SLC2A12: variants seen among roughly 807,000 people sequenced by gnomAD.
The protein encoded by SLC2A12 is solute carrier family 2, facilitated glucose transporter member 12.
In SLC2A12, 23 loss-of-function variants were observed where a neutral mutation model predicts 41.8. The observed-to-expected ratio is 0.55, with a 90% CI of 0.40 to 0.78. The LOEUF is 0.78. Among genes scored for constraint, SLC2A12 ranks in the 30% least tolerant of loss-of-function variants. SLC2A12 has a pLI of 0.00. For synonymous variants in SLC2A12, 295 were observed against 285.9 expected (o/e 1.03, Z -0.32); for missense variants, 654 against 745.6 (o/e 0.88, Z 1.43).
intron 2 of SLC2A12, among the ~76,000 whole-genome samples, chr6:134,018,480 C>T (rs1028378232): frequency 2.6e-5 from 4 of 152,126 alleles, no homozygotes; most frequent in Non-Finnish European, 4.4e-5. Flanking sequence ...TTGCAGCTCT[C>T]CTCACCCTTC....
intron 1 of SLC2A12, among the ~76,000 whole-genome samples, chr6:134,042,702 C>T (rs550933989): frequency 1.8e-4 from 27 of 152,164 alleles, no homozygotes; most frequent in Middle Eastern, 3.4e-3. Flanking sequence ...AGGTGGCTCA[C>T]ACCTGTAATC....
intron 1 of SLC2A12, among the ~76,000 whole-genome samples, chr6:134,033,659 A>G (rs979350975): frequency 1.3e-5 from 2 of 152,170 alleles, no homozygotes; most frequent in African/African-American, 4.8e-5. Context: ...TGCGGAGTTA[A>G]GGATGCAGGG....
At chr6:134,025,638 C>G (rs1777103517) in intron 2 of SLC2A12, among the ~76,000 whole-genome samples, 1 of 152,162 alleles carries the variant, frequency 6.6e-6, no homozygotes, top group Non-Finnish European at 1.5e-5. Context: ...CTCTGCCTCC[C>G]AGGTTCAAGA....
At chr6:134,038,276 T>C (rs1216970925) in intron 1 of SLC2A12, among the ~76,000 whole-genome samples, 2 of 152,052 alleles carry the variant, frequency 1.3e-5, no homozygotes, top group East Asian at 3.8e-4. Flanking sequence ...TGCATGTTAG[T>C]ACTCCCCTGT....
At position 134,052,294 on chromosome 6, in the gene SLC2A12, C is replaced by A; in HGVS notation, c.103+84G>T. 3 of 1,129,842 alleles carry A rather than the reference C, an allele frequency of 2.7e-6. No individual in the cohort carries two copies. The African/African-American group carries it at 4.7e-5, about 18-fold the overall frequency. The allele number at this position is 1,129,842 out of a possible 1,614,324, so 70.0% of individuals were successfully genotyped here. A position where few individuals can be genotyped will look rare whatever the true frequency, so the allele number is the denominator to read the frequency against. ...ACACACACACACACACACACACACA[C>A]ACGGGACTCAAGAGACAGTACACTC... is the stretch of plus-strand genomic sequence containing the variant. On this transcript the variant is annotated intron_variant, in intron 1 of 4. Coordinates refer to ENST00000275230, the MANE Select transcript of SLC2A12 (RefSeq NM_145176.3).
At chr6:134,020,090 C>A (rs1777022349) in intron 2 of SLC2A12, among the ~76,000 whole-genome samples, 1 of 151,324 alleles carries the variant, frequency 6.6e-6, no homozygotes, top group Admixed American at 6.6e-5. Flanking sequence ...AATTCTGGGG[C>A]AACCCAATTA....
At chr6:134,037,587 C>T (rs1391847078) in intron 1 of SLC2A12, among the ~76,000 whole-genome samples, 1 of 152,050 alleles carries the variant, frequency 6.6e-6, no homozygotes, top group East Asian at 1.9e-4. Flanking sequence ...TCTCGTGACC[C>T]CGTGATCTGC....
At chr6:134,038,353 C>CTTT (rs10584884) in intron 1 of SLC2A12, among the ~76,000 whole-genome samples, 14 of 97,534 alleles carry the variant, frequency 1.4e-4, no homozygotes, top group African/African-American at 3.6e-4. Flanking sequence ...TTCTTTCTGC[C>CTTT]TTTTTTTTTT....
chr6:133,993,135 T>C (rs2114413285), intron 4 of SLC2A12, among the ~76,000 whole-genome samples: 1 of 152,256 alleles, frequency 6.6e-6, no homozygotes, highest in Middle Eastern at 3.4e-3. Context: ...GCTCGGTCTC[T>C]AAGTTTGGCA....
chr6:133,999,296 G>C (rs1477767964), intron 4 of SLC2A12, among the ~76,000 whole-genome samples: 1 of 152,220 alleles, frequency 6.6e-6, no homozygotes, highest in East Asian at 1.9e-4. Flanking sequence ...AGAGCCGTGA[G>C]CTAGGAGGCC....
At chr6:134,015,573 A>C (rs1272125816) in intron 2 of SLC2A12, among the ~76,000 whole-genome samples, 2 of 152,226 alleles carry the variant, frequency 1.3e-5, no homozygotes, top group Non-Finnish European at 2.9e-5. Context: ...ATTATCCCAT[A>C]AGAATGGTGG....
chr6:134,007,688 C>T (rs1397854359), intron 2 of SLC2A12, among the ~76,000 whole-genome samples: 3 of 152,194 alleles, frequency 2.0e-5, no homozygotes, highest in African/African-American at 7.2e-5. Context: ...TTGTCTTCTG[C>T]TCACAGCCTA....
At chr6:134,007,160 G>T (rs550020031) in intron 2 of SLC2A12, among the ~76,000 whole-genome samples, 126 of 152,236 alleles carry the variant, frequency 8.3e-4, no homozygotes, top group Non-Finnish European at 1.5e-3. Flanking sequence ...CTGGGCCATG[G>T]TCCCCATGCA....
At chr6:134,014,081 C>T (rs1776924083) in intron 2 of SLC2A12, among the ~76,000 whole-genome samples, 2 of 152,280 alleles carry the variant, frequency 1.3e-5, no homozygotes, top group East Asian at 3.9e-4. Context: ...GGTCCCCAAC[C>T]TTTTTGGCAC....
At position 133,997,085 on chromosome 6, in the gene SLC2A12, C is replaced by CAAAAAA. The variant is rs58295985; in HGVS notation, c.1700+4906_1700+4911dup. ...TGAAACCCCGTCTCTACTAAAAATACAAAAAAAAAAAAAAAAAAAAAAAAA... is the reference window on the plus strand; with the variant it reads ...TGAAACCCCGTCTCTACTAAAAATACAAAAAAAAAAAAAAAAAAAAAAAAAAAAAAA... On this transcript the variant is annotated intron_variant, in intron 4 of 4. Coordinates refer to ENST00000275230, the MANE Select transcript of SLC2A12 (RefSeq NM_145176.3). Among the ~76,000 whole-genome samples, 613 of 70,664 alleles carry CAAAAAA rather than the reference C, an allele frequency of 8.7e-3. 4 individuals are homozygous for CAAAAAA. Among genetic ancestry groups the CAAAAAA allele is most frequent in the African/African-American group, 0.017 (311 of 18,144 alleles). The allele number at this position is 70,664 out of a possible 152,430, so 46.4% of individuals were successfully genotyped here.
At chr6:134,003,277 G>T (rs1776774870) in intron 3 of SLC2A12, among the ~76,000 whole-genome samples, 1 of 152,144 alleles carries the variant, frequency 6.6e-6, no homozygotes, top group African/African-American at 2.4e-5. Context: ...TGCTTTTCTA[G>T]CTGGCACAGG....
At position 134,029,423 on chromosome 6, in the gene SLC2A12, T is replaced by C; in HGVS notation, c.402A>G (p.Ile134Met). 6.2e-7 allele frequency: 1 copy of C among 1,614,116 alleles called. No homozygotes were observed. The highest frequency in any genetic ancestry group is 1.7e-5 in the Admixed American group (1 of 60,006). The change falls in exon 2 of 5, where the codon ATA becomes ATG. Residue 134 changes from isoleucine to methionine, a missense_variant. Ile to Met is a conservative substitution (Grantham distance 10, BLOSUM62 1). This residue lies in a region of SLC2A12 where 411 missense variants were observed against 412.1 expected (regional missense o/e 1.00). Transcript: ENST00000275230. ...LILSLSYTVLIVGRIAIGVSI... is the reference protein window; with the variant it reads ...LILSLSYTVLMVGRIAIGVSI... ...AGACCCCTATGGCAATGCGTCCCAC[T>C]ATAAGAACCGTGTAGGATAAACTGA...
chr6:133,999,849 A>C (rs1405906042), intron 4 of SLC2A12, among the ~76,000 whole-genome samples: 1 of 152,206 alleles, frequency 6.6e-6, no homozygotes, highest in Non-Finnish European at 1.5e-5. Context: ...AACAGGCATA[A>C]GGAAGGATGA....
At chr6:134,044,480 G>A (rs189264232) in intron 1 of SLC2A12, among the ~76,000 whole-genome samples, 111 of 152,270 alleles carry the variant, frequency 7.3e-4, no homozygotes, top group Non-Finnish European at 1.2e-3. Flanking sequence ...TTGGGAGGCC[G>A]AGGTGGGTGG....
Sources: gnomAD v4.1 joint callset for allele counts (sites outside exome capture counted in the v4.1 genomes callset) on GRCh38, gnomAD v4.1.1 for gene constraint, gnomAD v4.1.1 regional missense constraint, MANE v1.5 for transcripts, NCBI Gene and HGNC (gene_info 2026-07-23, HGNC 2026-07-21) for gene names.